Variants in TOGARAM2 observed in about 807,000 individuals in gnomAD.
The protein encoded by TOGARAM2 is TOG array regulator of axonemal microtubules 2.
Under a neutral mutation model 93.3 loss-of-function variants are expected in TOGARAM2, and 85 were observed. That is an observed-to-expected ratio of 0.91 (90% CI 0.76 to 1.09). The LOEUF is 1.09. Among genes scored for constraint, TOGARAM2 ranks in the 50% least tolerant of loss-of-function variants. The probability of loss-of-function intolerance (pLI) is 0.00; values close to 1 mark genes in which losing one functional copy is unlikely to be tolerated. For missense variants in TOGARAM2, 1,277 were observed against 1,334.5 expected, an observed-to-expected ratio of 0.96 and a Z score of 0.67; for synonymous variants, 593 against 552.8, an observed-to-expected ratio of 1.07 and a Z score of -1.02.
Position 28,966,139 on chromosome 2 carries a change from C to T in TOGARAM2, c.-147+9442C>T, listed in dbSNP as rs142329323. On this transcript the variant is annotated intron_variant, in intron 1 of 6. Transcript: ENST00000401723. ...CCAAGTAGCTGGGATTACAGGTGTGCGCCACCACGCCTGGCTAGTTTTTGT... is the reference window on the plus strand; with the variant it reads ...CCAAGTAGCTGGGATTACAGGTGTGTGCCACCACGCCTGGCTAGTTTTTGT... Among the ~76,000 whole-genome samples the T allele has an allele frequency of 2.2e-4, 33 of 151,098 alleles. No individual in the cohort carries two copies. The East Asian group carries it at 2.6e-3, about 12-fold the overall frequency.
At position 29,014,489 on chromosome 2, in the gene TOGARAM2, C is replaced by T. The variant is rs1291790724; in HGVS notation, c.972C>T (p.Ala324=). The T allele has an allele frequency of 1.9e-6, 3 of 1,590,250 alleles. No individual in the cohort carries two copies. The African/African-American group carries it at 4.0e-5, about 21-fold the overall frequency. The stretch of plus-strand genomic sequence containing the variant: ...CTCAGTCTGCTCCCACGCTGACAGC[C>T]TTCTCCTTTGACTGTGCCAGAGAAG... ...PFSQSAPTLT[A]FSFDCAREAC... is the part of the protein sequence containing the mutation. The change falls in exon 8 of 20, where the codon GCC becomes GCT. Residue 324 remains alanine, a synonymous_variant. Transcript: ENST00000379558.
At chr2:29,044,188 G>A (rs1201095644) in intron 18 of TOGARAM2, among the ~76,000 whole-genome samples, 2 of 152,320 alleles carry the variant, frequency 1.3e-5, no homozygotes, top group South Asian at 2.1e-4. Flanking sequence ...AGCTGGGATT[G>A]GGGGCGGGCA....
chr2:28,989,032 C>G (rs1362154750), intron 1 of TOGARAM2, among the ~76,000 whole-genome samples: 1 of 152,186 alleles, frequency 6.6e-6, no homozygotes, highest in Admixed American at 6.5e-5. Context: ...GCTCTGGGCA[C>G]TCTCTTGTGG....
upstream of TOGARAM2, among the ~76,000 whole-genome samples, chr2:28,977,637 C>A (rs7591911): frequency 6.6e-6 from 1 of 152,144 alleles, no homozygotes; most frequent in Non-Finnish European, 1.5e-5. Context: ...CTCTCAACAC[C>A]CATGTGGAAC....
intron 1 of TOGARAM2, among the ~76,000 whole-genome samples, chr2:28,985,436 C>T (rs1032927780): frequency 8.0e-5 from 12 of 150,618 alleles, no homozygotes; most frequent in African/African-American, 2.4e-4. Context: ...GGTGTGATCT[C>T]GGCTCATTAA....
intron 6 of TOGARAM2, among the ~76,000 whole-genome samples, chr2:29,005,507 T>TCG (rs1553338983): frequency 5.8e-5 from 8 of 136,992 alleles, no homozygotes; most frequent in African/African-American, 2.3e-4. Context: ...GTGCATGTGT[T>TCG]TGTGTAACTA....
Position 28,987,619 on chromosome 2 carries a change from A to C in TOGARAM2, c.-111+6081A>C, listed in dbSNP as rs1672528110. On this transcript the variant is annotated intron_variant, in intron 1 of 19. Coordinates refer to ENST00000379558, the MANE Select transcript of TOGARAM2 (RefSeq NM_199280.4). ...GCTTTAGTTTTGAATTCATTCATTC[A>C]GTCACACTACAGTTACTGCATTATT... is the stretch of plus-strand genomic sequence containing the variant. Among the ~76,000 whole-genome samples the C allele has an allele frequency of 2.0e-5, 3 of 152,206 alleles. No homozygotes were observed. The South Asian group carries it at 6.2e-4, about 31-fold the overall frequency.
chr2:29,045,368 C>G lies in TOGARAM2; in HGVS notation c.2680C>G (p.Leu894Val), dbSNP rs772440297. The G allele has an allele frequency of 1.9e-6, 3 of 1,613,784 alleles. No homozygotes were observed. In the South Asian group the frequency reaches 3.3e-5, roughly 18 times the overall value. ...AGCGCTTGCTGGGCGAGTGCGTTTC[C>G]TGAGTGGCCGTGCGGTGCTGGATGT... is the stretch of plus-strand genomic sequence containing the variant. ...LPALAGRVRF[L>V]SGRAVLDVTD... Residue 894 changes from leucine (L) to valine (V), a missense_variant, in exon 19 of 20, where the codon CTG (leucine) becomes GTG (valine). Leu to Val is a conservative substitution (Grantham distance 32). Coordinates refer to ENST00000379558, the MANE Select transcript of TOGARAM2 (RefSeq NM_199280.4).
At chr2:28,982,313 C>T (rs1005456854) in intron 1 of TOGARAM2, among the ~76,000 whole-genome samples, 5 of 152,116 alleles carry the variant, frequency 3.3e-5, no homozygotes, top group South Asian at 4.1e-4. Context: ...CTGGTGCTGG[C>T]GGGGGACCTC....
intron 6 of TOGARAM2, among the ~76,000 whole-genome samples, chr2:29,009,972 A>G (rs1461288645): frequency 2.0e-5 from 3 of 151,768 alleles, no homozygotes; most frequent in Admixed American, 6.6e-5. Flanking sequence ...CCCAGGGTCC[A>G]CAGCTTAAGA....
chr2:28,965,477 T>C (rs944001645), intron 1 of TOGARAM2, among the ~76,000 whole-genome samples: 1 of 152,236 alleles, frequency 6.6e-6, no homozygotes, highest in Admixed American at 6.5e-5. Flanking sequence ...TGCGTCGCCA[T>C]GTGCATGGCC....
rs1274277771 is a variant in TOGARAM2 at position 29,017,925 on chromosome 2, G to T, written c.1329G>T (p.Arg443=). 1.2e-6 allele frequency: 2 copies of T among 1,608,422 alleles called. No individual in the cohort carries two copies. Among genetic ancestry groups the T allele is most frequent in the Non-Finnish European group, 1.7e-6 (2 of 1,177,508 alleles). The change falls in exon 10 of 20, where the codon CGG becomes CGT. Residue 443 remains arginine, a synonymous_variant. Coordinates refer to ENST00000379558, the MANE Select transcript of TOGARAM2 (RefSeq NM_199280.4). ...RASLPSIPIS[R]QEPRFARHAS... is the part of the protein sequence containing the mutation. ...CCCTGCCCAGCATCCCCATCAGCCGGCAGGAGCCCCGCTTTGCCCGCCACG... is the reference window on the plus strand; with the variant it reads ...CCCTGCCCAGCATCCCCATCAGCCGTCAGGAGCCCCGCTTTGCCCGCCACG...
upstream of TOGARAM2, among the ~76,000 whole-genome samples, chr2:28,977,650 G>C (rs1364892146): frequency 6.6e-6 from 1 of 152,208 alleles, no homozygotes; most frequent in Non-Finnish European, 1.5e-5. Flanking sequence ...TGTGGAACCT[G>C]GCTGGCGCTG....
chr2:28,985,301 A>C (rs1408392467), intron 1 of TOGARAM2, among the ~76,000 whole-genome samples: 1 of 151,564 alleles, frequency 6.6e-6, no homozygotes, highest in African/African-American at 2.4e-5. Context: ...TTGATCTTGG[A>C]CTTCCCAGCC....
rs747929640 is a variant in TOGARAM2, at chr2:29,002,553, G to A, written c.445G>A (p.Gly149Arg). Residue 149 changes from glycine (G) to arginine (R), a missense_variant, in exon 5 of 20, where the codon GGA becomes AGA. Physicochemically the swap from Gly to Arg is moderately radical, Grantham distance 125 (BLOSUM62 -2). Transcript: ENST00000379558. ...ASSRASLDPG[G>R]GPQGVPLHST... ...CTGTACAGCCTCTCTGGATCCAGGG[G>A]GAGGCCCCCAAGGAGTTCCCCTGCA... The A allele has an allele frequency of 1.2e-6, 2 of 1,613,442 alleles. No homozygotes were observed. Among genetic ancestry groups the A allele is most frequent in the African/African-American group, 1.3e-5 (1 of 74,914 alleles).
At chr2:29,014,769 C>T (rs949212827) in intron 8 of TOGARAM2, among the ~76,000 whole-genome samples, 1 of 150,950 alleles carries the variant, frequency 6.6e-6, no homozygotes, top group African/African-American at 2.4e-5. Flanking sequence ...GGATGGGGGT[C>T]AGAAGCGGGG....
At chr2:28,972,861 G>A (rs1278633518) in intron 1 of TOGARAM2, among the ~76,000 whole-genome samples, 1 of 152,232 alleles carries the variant, frequency 6.6e-6, no homozygotes, top group African/African-American at 2.4e-5. Context: ...ATCCTGGAAA[G>A]TTGCTGTCTG....
At chr2:29,008,112 T>C (rs1397967010) in intron 6 of TOGARAM2, among the ~76,000 whole-genome samples, 3 of 151,672 alleles carry the variant, frequency 2.0e-5, no homozygotes, top group Admixed American at 6.6e-5. Context: ...AAATTTATTT[T>C]GTTTATTTAT....
chr2:29,005,355 A>C (rs1673660343), intron 6 of TOGARAM2, among the ~76,000 whole-genome samples: 1 of 109,172 alleles, frequency 9.2e-6, no homozygotes, highest in Non-Finnish European at 1.9e-5. Flanking sequence ...GCATGTGTGG[A>C]GCGTATGTGT....
Sources: gnomAD v4.1 joint callset for allele counts (sites outside exome capture counted in the v4.1 genomes callset) on GRCh38, gnomAD v4.1.1 for gene constraint, MANE v1.5 for transcripts, NCBI Gene and HGNC (gene_info 2026-07-23, HGNC 2026-07-21) for gene names.